The following SPMAP2L variants were observed in gnomAD, a reference collection of about 807,000 sequenced individuals.
SPMAP2L encodes the protein sperm microtubule associated protein 2 like.
At chr4:56,617,792 G>A in the SPMAP2L span, among the ~76,000 whole-genome samples, 225 of 152,314 alleles carry the variant, frequency 1.5e-3, 1 homozygote, top group African/African-American at 5.2e-3. Context: ...CTTGGAGAAT[G>A]AACTCAAAGT....
chr4:56,581,283 C>T, the SPMAP2L span, among the ~76,000 whole-genome samples: 1,038 of 152,058 alleles, frequency 6.8e-3, 14 homozygotes, highest in African/African-American at 0.024. Flanking sequence ...GGTAAAACCT[C>T]GTCTCTACTA....
chr4:56,613,154 A>G, the SPMAP2L span, among the ~76,000 whole-genome samples: 1 of 152,124 alleles, frequency 6.6e-6, no homozygotes, highest in Non-Finnish European at 1.5e-5. Flanking sequence ...CACCCTTGGT[A>G]GCAGAGACAT....
chr4:56,591,204 G>A, the SPMAP2L span, among the ~76,000 whole-genome samples: 1 of 152,106 alleles, frequency 6.6e-6, no homozygotes, highest in Non-Finnish European at 1.5e-5. Flanking sequence ...AGGAGATTTG[G>A]TTGTTAAAAG....
the SPMAP2L span, chr4:56,594,007 G>C: frequency 6.2e-7 from 1 of 1,611,342 alleles, no homozygotes; most frequent in African/African-American, 1.3e-5. Flanking sequence ...AGGAGGTCTT[G>C]GGCAGGGCCG....
the SPMAP2L span, among the ~76,000 whole-genome samples, chr4:56,612,724 G>A: frequency 0.032 from 4,784 of 151,524 alleles, 156 homozygotes; most frequent in African/African-American, 0.082. Flanking sequence ...GTGCCTCCAC[G>A]CCCGGCTAAT....
chr4:56,571,755 G>A, the SPMAP2L span, among the ~76,000 whole-genome samples: 3 of 152,320 alleles, frequency 2.0e-5, no homozygotes, highest in East Asian at 3.9e-4. Context: ...GGCTGAGAGG[G>A]GAGGATTGCT....
chr4:56,620,852 T>C, the SPMAP2L span, among the ~76,000 whole-genome samples: 7 of 152,218 alleles, frequency 4.6e-5, no homozygotes, highest in Non-Finnish European at 1.0e-4. Context: ...CTGTTCTCAA[T>C]TGCTGCCTAG....
At chr4:56,589,705 T>G in the SPMAP2L span, among the ~76,000 whole-genome samples, 2 of 151,728 alleles carry the variant, frequency 1.3e-5, no homozygotes, top group Non-Finnish European at 2.9e-5. Context: ...GTTTTGGGTT[T>G]TTGTTGTTGT....
the SPMAP2L span, among the ~76,000 whole-genome samples, chr4:56,620,744 A>G: frequency 3.3e-5 from 5 of 152,258 alleles, no homozygotes; most frequent in Non-Finnish European, 7.3e-5. Flanking sequence ...GGCTGCATGC[A>G]TTCTGCTGTG....
chr4:56,610,086 A>T, the SPMAP2L span, among the ~76,000 whole-genome samples: 2 of 152,200 alleles, frequency 1.3e-5, no homozygotes, highest in Non-Finnish European at 2.9e-5. Flanking sequence ...TTCTTCACAG[A>T]ATTAGAAAAA....
chr4:56,551,516 G>C, the SPMAP2L span, among the ~76,000 whole-genome samples: 3 of 152,042 alleles, frequency 2.0e-5, no homozygotes, highest in Non-Finnish European at 4.4e-5. Context: ...GGGGTGTCAG[G>C]GATTCAAACT....
the SPMAP2L span, among the ~76,000 whole-genome samples, chr4:56,589,674 G>GT: frequency 3.4e-5 from 5 of 148,844 alleles, no homozygotes; most frequent in South Asian, 6.4e-4. Context: ...TATTCCTAAG[G>GT]TTTTTTTTGT....
the SPMAP2L span, among the ~76,000 whole-genome samples, chr4:56,541,764 C>A: frequency 6.6e-6 from 1 of 152,136 alleles, no homozygotes; most frequent in East Asian, 1.9e-4. Flanking sequence ...TAAAAAGCCA[C>A]ATAATTATCA....
At chr4:56,560,551 C>A in the SPMAP2L span, among the ~76,000 whole-genome samples, 2 of 152,168 alleles carry the variant, frequency 1.3e-5, no homozygotes, top group African/African-American at 4.8e-5. Flanking sequence ...TTGTCTTCCC[C>A]TGTGGGAAGG....
At chr4:56,592,953 T>C in the SPMAP2L span, 1 of 1,604,514 alleles carries the variant, frequency 6.2e-7, no homozygotes, top group Non-Finnish European at 8.5e-7. Flanking sequence ...CCTGCCAACA[T>C]CCATTTGAAA....
the SPMAP2L span, among the ~76,000 whole-genome samples, chr4:56,566,799 C>T: frequency 3.5e-5 from 5 of 143,594 alleles, no homozygotes; most frequent in East Asian, 4.1e-4. Context: ...CGGGTTCAAG[C>T]GATTCTCCTG....
the SPMAP2L span, among the ~76,000 whole-genome samples, chr4:56,582,959 T>C: frequency 6.6e-6 from 1 of 152,196 alleles, no homozygotes; most frequent in African/African-American, 2.4e-5. Context: ...AAAGGCTACA[T>C]ATTTGTATCA....
the SPMAP2L span, among the ~76,000 whole-genome samples, chr4:56,614,318 C>T: frequency 6.6e-6 from 1 of 152,158 alleles, no homozygotes; most frequent in Non-Finnish European, 1.5e-5. Flanking sequence ...AAGTCATGTT[C>T]ATGTACATAG....
chr4:56,540,399 C>T, the SPMAP2L span, among the ~76,000 whole-genome samples: 33 of 152,118 alleles, frequency 2.2e-4, no homozygotes, highest in African/African-American at 7.2e-4. Context: ...AAAAATTAGC[C>T]GGGAGTGGTG....
Sources: gnomAD v4.1 joint callset for allele counts (sites outside exome capture counted in the v4.1 genomes callset) on GRCh38, gnomAD v4.1.1 for gene constraint, MANE v1.5 for transcripts, NCBI Gene and HGNC (gene_info 2026-07-23, HGNC 2026-07-21) for gene names.